TPD52L2: variants seen among roughly 807,000 people sequenced by gnomAD.
The protein encoded by TPD52L2 is TPD52 like 2.
A neutral mutation model predicts 24.7 loss-of-function variants in TPD52L2; 19 were observed. The observed-to-expected ratio is 0.77, with a 90% confidence interval of 0.54 to 1.13. The LOEUF (loss-of-function observed/expected upper bound fraction) is 1.13. Among genes scored for constraint, TPD52L2 ranks in the 50% most tolerant of loss-of-function variants. The probability of loss-of-function intolerance (pLI) is 0.00; values close to 1 mark genes in which losing one functional copy is unlikely to be tolerated. For missense variants in TPD52L2, 236 were observed against 250.4 expected, an observed-to-expected ratio of 0.94 and a Z score of 0.39; for synonymous variants, 104 against 100.2, an observed-to-expected ratio of 1.04 and a Z score of -0.23.
chr20:63,865,567 C>T (rs1334783211), intron 1 of TPD52L2, among the ~76,000 whole-genome samples, 183 bp downstream of exon 1: 1 of 152,168 alleles, frequency 6.6e-6, no homozygotes, highest in African/African-American at 2.4e-5. Flanking sequence ...TGTTTTTTGC[C>T]CGCGGCCCAG....
At chr20:63,879,331 G>T (rs1357050583) in intron 4 of TPD52L2, among the ~76,000 whole-genome samples, 10 of 152,164 alleles carry the variant, frequency 6.6e-5, no homozygotes, top group Non-Finnish European at 1.3e-4. Flanking sequence ...AGCAGGGACT[G>T]ATCACAGTGG....
chr20:63,882,951 A>G, intron 5 of TPD52L2, 131 bp downstream of exon 5: 1 of 687,488 alleles, frequency 1.5e-6, no homozygotes, highest in South Asian at 1.9e-5. Flanking sequence ...GCCATCCATC[A>G]TGGCCCCGAC....
intron 1 of TPD52L2, among the ~76,000 whole-genome samples, chr20:63,865,866 A>G (rs989938936): frequency 2.6e-5 from 4 of 152,166 alleles, no homozygotes; most frequent in African/African-American, 4.8e-5. Flanking sequence ...CCCCTTGGGC[A>G]GCAACTCTGC....
rs573543090 is a variant in TPD52L2, at chr20:63,885,744, C to A, written c.476+2924C>A. On this transcript the variant is annotated intron_variant, in intron 5 of 6. Coordinates refer to ENST00000346249, the MANE Select transcript of TPD52L2 (RefSeq NM_003288.4). ...CGTGGACAGGGCGTGGACCCAGGGG[C>A]CTCTTGGGCACAGCCGTGAGGCTGA... Among the ~76,000 whole-genome samples the A allele has an allele frequency of 2.6e-5, 4 of 152,348 alleles. No homozygotes were observed. In the South Asian group the frequency reaches 8.3e-4, roughly 32 times the overall value.
At chr20:63,876,071 AACTC>A (rs2052664135) in intron 4 of TPD52L2, among the ~76,000 whole-genome samples, 196 bp downstream of exon 4, 3 of 152,140 alleles carry the variant, frequency 2.0e-5, no homozygotes, top group Admixed American at 1.3e-4. Context: ...AGCTGAGAGA[AACTC>A]ACTCAGCCAC....
At chr20:63,880,827 C>T (rs978966523) in intron 4 of TPD52L2, among the ~76,000 whole-genome samples, 2 of 150,268 alleles carry the variant, frequency 1.3e-5, no homozygotes, top group African/African-American at 4.9e-5. Context: ...TGAGGCAGAG[C>T]TTGCAGTGAG....
At chr20:63,884,671 G>GT (rs1313146971) in intron 5 of TPD52L2, among the ~76,000 whole-genome samples, 1 of 152,090 alleles carries the variant, frequency 6.6e-6, no homozygotes, top group Non-Finnish European at 1.5e-5. Context: ...GACCCGTGTC[G>GT]TGTAGCCTCA....
chr20:63,886,243 G>A (rs1421919559), intron 5 of TPD52L2, among the ~76,000 whole-genome samples: 7 of 152,130 alleles, frequency 4.6e-5, no homozygotes, highest in Admixed American at 1.3e-4. Context: ...GAGGCCCCCC[G>A]GAACCCCCCG....
intron 1 of TPD52L2, among the ~76,000 whole-genome samples, chr20:63,867,632 C>T (rs1454425257): frequency 6.6e-6 from 1 of 151,740 alleles, no homozygotes; most frequent in African/African-American, 2.4e-5. Context: ...GTTTGTGGAG[C>T]GCCAAGGAAG....
intron 5 of TPD52L2, chr20:63,887,103 A>C (rs2053159571): frequency 1.1e-5 from 3 of 264,348 alleles, no homozygotes; most frequent in Non-Finnish European, 2.2e-5. Context: ...TGCAGACCAG[A>C]GCAAGCTCCT....
At chr20:63,887,044 C>CT (rs1346722134) in intron 5 of TPD52L2, 1 of 184,982 alleles carries the variant, frequency 5.4e-6, no homozygotes, top group African/African-American at 2.4e-5. Context: ...GGAGTTTTGT[C>CT]TTGTTTACTA....
chr20:63,866,161 G>A (rs2146163280), intron 1 of TPD52L2, among the ~76,000 whole-genome samples: 1 of 152,220 alleles, frequency 6.6e-6, no homozygotes, highest in East Asian at 1.9e-4. Context: ...CTGGAGTGCA[G>A]TGGCGCGATC....
intron 5 of TPD52L2, among the ~76,000 whole-genome samples, 193 bp downstream of exon 5, chr20:63,883,013 C>T (rs2052958819): frequency 6.6e-6 from 1 of 152,188 alleles, no homozygotes; most frequent in Non-Finnish European, 1.5e-5. Flanking sequence ...CCGTTGGCTG[C>T]TTTTCTGCCG....
Position 63,865,278 on chromosome 20 carries a change from T to C in TPD52L2, c.-88T>C. 2.8e-6 allele frequency: 4 copies of C among 1,408,232 alleles called. No individual in the cohort carries two copies. The highest frequency in any genetic ancestry group is 2.8e-6 in the Non-Finnish European group (3 of 1,072,290). 87.2% of individuals were successfully genotyped at this position (1,408,232 alleles called of 1,614,324 possible). A position where few individuals can be genotyped will look rare whatever the true frequency, so the allele number is the denominator to read the frequency against. ...CGCCGCGGAGCTGAGGCAGTTCCGC[T>C]GGCTAGTGTGTACGCGGCGAGCTTC... On this transcript the variant is annotated 5_prime_UTR_variant, in exon 1 of 7. Transcript: ENST00000346249.
intron 5 of TPD52L2, chr20:63,887,639 C>T (rs753079981): frequency 8.1e-6 from 13 of 1,608,796 alleles, no homozygotes; most frequent in East Asian, 2.2e-5. Flanking sequence ...GCTCCAGAGC[C>T]GGGTGTCTCT....
chr20:63,882,298 C>T (rs1233772391), intron 4 of TPD52L2, among the ~76,000 whole-genome samples: 3 of 152,286 alleles, frequency 2.0e-5, no homozygotes, highest in Non-Finnish European at 4.4e-5. Flanking sequence ...CTGGCACTGC[C>T]TGCCAGGCGT....
chr20:63,884,400 G>A (rs934776495), intron 5 of TPD52L2, among the ~76,000 whole-genome samples: 4 of 152,150 alleles, frequency 2.6e-5, no homozygotes, highest in Admixed American at 6.5e-5. Context: ...ATCAGGAGGC[G>A]TTTGCCCACT....
chr20:63,885,760 G>T (rs542414389), intron 5 of TPD52L2, among the ~76,000 whole-genome samples: 2 of 152,376 alleles, frequency 1.3e-5, no homozygotes, highest in African/African-American at 4.8e-5. Flanking sequence ...GGGCACAGCC[G>T]TGAGGCTGAG....
At chr20:63,886,141 A>G in intron 5 of TPD52L2, 1 of 1,222,926 alleles carries the variant, frequency 8.2e-7, no homozygotes. Context: ...AGTAGAGGGC[A>G]GTGAAAGTGG....
Sources: gnomAD v4.1 joint callset for allele counts (sites outside exome capture counted in the v4.1 genomes callset) on GRCh38, gnomAD v4.1.1 for gene constraint, MANE v1.5 for transcripts, NCBI Gene and HGNC (gene_info 2026-07-23, HGNC 2026-07-21) for gene names.